Variants in SRBD1 observed in about 807,000 individuals in gnomAD.
SRBD1 encodes the protein S1 RNA binding domain 1.
SRBD1 carries 88 observed loss-of-function variants against 115.3 expected under a neutral mutation model. The observed-to-expected ratio is 0.76, with a 90% CI of 0.64 to 0.91. The LOEUF is 0.91. Ranked by LOEUF, SRBD1 falls within the 40% of genes least tolerant of loss-of-function variation. The pLI is 0.00. For synonymous variants in SRBD1, 509 were observed against 407.7 expected (o/e 1.25, Z -2.99); for missense variants, 1,385 against 1,177.4 (o/e 1.18, Z -2.58).
Position 45,562,752 on chromosome 2 carries a change from A to G in SRBD1, c.1310T>C (p.Leu437Pro). Reference sequence around the variant, plus strand: ...CAAATTTTCTCCACGGTTAATTGCCAGAATCTGAGTGCAAACATAAGGCAA... The same window carrying G: ...CAAATTTTCTCCACGGTTAATTGCCGGAATCTGAGTGCAAACATAAGGCAA... ...NIRNIHHHQILAINRGENLKV... is the reference protein window; with the variant it reads ...NIRNIHHHQIPAINRGENLKV... Residue 437 changes from leucine to proline, a missense_variant, in exon 10 of 21, where the codon CTG becomes CCG. Physicochemically the swap from Leu to Pro is moderately conservative, Grantham distance 98. Coordinates refer to ENST00000263736, the MANE Select transcript of SRBD1 (RefSeq NM_018079.5). 6.2e-7 allele frequency: 1 copy of G among 1,603,816 alleles called. No homozygotes were observed. The highest frequency in any genetic ancestry group is 8.5e-7 in the Non-Finnish European group (1 of 1,176,342).
intron 16 of SRBD1, among the ~76,000 whole-genome samples, chr2:45,475,810 T>A (rs1035751196): frequency 2.0e-5 from 3 of 152,244 alleles, no homozygotes; most frequent in African/African-American, 7.2e-5. Flanking sequence ...GCGATTGTCC[T>A]GCCTCAGCCT....
intron 18 of SRBD1, among the ~76,000 whole-genome samples, chr2:45,414,630 GTATA>G (rs752885578): frequency 1.6e-4 from 21 of 128,364 alleles, no homozygotes; most frequent in Non-Finnish European, 2.6e-4. Flanking sequence ...CACATAGTGT[GTATA>G]TAGTGTGTAT....
At chr2:45,543,508 C>G (rs1672013683) in intron 14 of SRBD1, among the ~76,000 whole-genome samples, 1 of 152,056 alleles carries the variant, frequency 6.6e-6, no homozygotes, top group Non-Finnish European at 1.5e-5. Context: ...GAGTGGCTGA[C>G]AAGATTATAG....
intron 16 of SRBD1, among the ~76,000 whole-genome samples, chr2:45,436,271 A>G (rs1330062999): frequency 2.0e-5 from 3 of 152,258 alleles, no homozygotes; most frequent in African/African-American, 7.2e-5. Context: ...CAAGGTGATT[A>G]AAAACATCTA....
rs56909656 is a variant in SRBD1 at position 45,545,283 on chromosome 2, T to TAAAAA, written c.1874+1444_1874+1448dup. Among the ~76,000 whole-genome samples, 106 of 68,568 alleles carry TAAAAA rather than the reference T, an allele frequency of 1.5e-3. 7 individuals carry two copies. Among genetic ancestry groups the TAAAAA allele is most frequent in the African/African-American group, 4.8e-3 (71 of 14,774 alleles). 45.0% of individuals were successfully genotyped at this position (68,568 alleles called of 152,430 possible). On this transcript the variant is annotated intron_variant, in intron 14 of 20. Coordinates refer to ENST00000263736, the MANE Select transcript of SRBD1 (RefSeq NM_018079.5). The stretch of plus-strand genomic sequence containing the variant: ...TGACAGAGCGAGACTCTGTCTCAAT[T>TAAAAA]AAAAAAAAAAAAAAAAAAAAAAAAA...
rs1358018136 is a variant in SRBD1 at position 45,551,428 on chromosome 2, A to G, written c.1518-146T>C. 1.9e-5 allele frequency: 16 copies of G among 833,218 alleles called. No individual in the cohort carries two copies. In the Admixed American group the frequency reaches 2.7e-4, roughly 14 times the overall value. The allele number at this position is 833,218 out of a possible 1,614,324, so 51.6% of individuals were successfully genotyped here. A position where few individuals can be genotyped will look rare whatever the true frequency, so the allele number is the denominator to read the frequency against. ...TAAGAGAAAAATATACAAAAATTATATTGAGTCTATTTTCACTAATCACAG... is the reference window on the plus strand; with the variant it reads ...TAAGAGAAAAATATACAAAAATTATGTTGAGTCTATTTTCACTAATCACAG... On this transcript the variant is annotated intron_variant, in intron 11 of 20. Transcript: ENST00000263736.
At chr2:45,575,795 C>T (rs1285613794) in intron 7 of SRBD1, among the ~76,000 whole-genome samples, 1 of 152,142 alleles carries the variant, frequency 6.6e-6, no homozygotes, top group African/African-American at 2.4e-5. Flanking sequence ...CCTCTGCCTC[C>T]TGGGTTCAAG....
intron 18 of SRBD1, among the ~76,000 whole-genome samples, chr2:45,415,608 A>G (rs1449135090): frequency 7.3e-6 from 1 of 137,628 alleles, no homozygotes; most frequent in Admixed American, 7.4e-5. Flanking sequence ...ATATTTTTAT[A>G]TATGTATAAA....
chr2:45,565,104 T>C (rs1672785677), intron 9 of SRBD1, among the ~76,000 whole-genome samples: 1 of 152,228 alleles, frequency 6.6e-6, no homozygotes, highest in South Asian at 2.1e-4. Context: ...AAATCCCAAT[T>C]GGCATGTTTT....
intron 14 of SRBD1, among the ~76,000 whole-genome samples, chr2:45,535,375 G>T (rs1379782921): frequency 1.3e-5 from 2 of 152,008 alleles, no homozygotes; most frequent in African/African-American, 4.8e-5. Flanking sequence ...AACGCATGGT[G>T]ATGTCCAGTG....
At chr2:45,502,977 G>C (rs1056570082) in intron 14 of SRBD1, among the ~76,000 whole-genome samples, 1 of 152,002 alleles carries the variant, frequency 6.6e-6, no homozygotes, top group Non-Finnish European at 1.5e-5. Flanking sequence ...AAGCCACTGC[G>C]CCCAGCAAAA....
At chr2:45,484,494 G>A (rs968944750) in intron 15 of SRBD1, among the ~76,000 whole-genome samples, 2 of 152,148 alleles carry the variant, frequency 1.3e-5, no homozygotes, top group African/African-American at 4.8e-5. Context: ...ACCCTCTCCA[G>A]AGAACAAATC....
intron 6 of SRBD1, among the ~76,000 whole-genome samples, chr2:45,580,478 T>TGG (rs1306355141): frequency 6.7e-6 from 1 of 149,798 alleles, no homozygotes; most frequent in East Asian, 2.0e-4. Context: ...CCCAGGTAGC[T>TGG]GGGACTACAG....
intron 4 of SRBD1, among the ~76,000 whole-genome samples, chr2:45,597,011 C>CAA (rs1673922967): frequency 6.6e-6 from 1 of 151,430 alleles, no homozygotes; most frequent in Non-Finnish European, 1.5e-5. Context: ...CACACACACA[C>CAA]ACACACAGCC....
At chr2:45,578,827 C>T (rs2104171317) in intron 7 of SRBD1, among the ~76,000 whole-genome samples, 1 of 152,174 alleles carries the variant, frequency 6.6e-6, no homozygotes, top group South Asian at 2.1e-4. Flanking sequence ...TGTGAATTTG[C>T]TAAGACAGAT....
At chr2:45,417,198 T>G (rs190537689) in intron 18 of SRBD1, among the ~76,000 whole-genome samples, 2 of 152,234 alleles carry the variant, frequency 1.3e-5, no homozygotes, top group African/African-American at 4.8e-5. Context: ...CATGTTTTCT[T>G]CTGGTGCTTT....
Position 45,551,401 on chromosome 2 carries a change from CTT to C in SRBD1, c.1518-121_1518-120del. ...AGGATAATTTATTATAACAATATAACTTAAGAGAAAAATATACAAAAATTATA... is the reference window on the plus strand; with the variant it reads ...AGGATAATTTATTATAACAATATAACAAGAGAAAAATATACAAAAATTATA... On this transcript the variant is annotated intron_variant, in intron 11 of 20. Coordinates refer to ENST00000263736, the MANE Select transcript of SRBD1 (RefSeq NM_018079.5). 12 of 1,038,612 alleles carry C rather than the reference CTT, an allele frequency of 1.2e-5. No individual in the cohort carries two copies. In the South Asian group the frequency reaches 2.0e-4, roughly 17 times the overall value. 64.3% of individuals were successfully genotyped at this position (1,038,612 alleles called of 1,614,324 possible).
intron 14 of SRBD1, among the ~76,000 whole-genome samples, chr2:45,531,482 A>G (rs1671609941): frequency 6.6e-6 from 1 of 151,832 alleles, no homozygotes; most frequent in African/African-American, 2.4e-5. Context: ...AGGCAAGTAA[A>G]TATCTTCTAT....
intron 2 of SRBD1, 78 bp from the exon 3 acceptor site, chr2:45,602,161 T>C (rs1051457008): frequency 4.7e-6 from 7 of 1,483,606 alleles, no homozygotes; most frequent in Non-Finnish European, 4.5e-6. Flanking sequence ...GCAAGATTCT[T>C]GAAAAAATGA....
Sources: allele counts gnomAD v4.1 joint callset (sites outside exome capture counted in the v4.1 genomes callset), GRCh38; gene constraint gnomAD v4.1.1; transcripts MANE v1.5; gene names NCBI Gene and HGNC (gene_info 2026-07-23, HGNC 2026-07-21).